The following ATE1 variants were observed in gnomAD, a reference collection of about 807,000 sequenced individuals.
The protein encoded by ATE1 is arginyl-tRNA--protein transferase 1.
Under a neutral mutation model 70.5 loss-of-function variants are expected in ATE1, and 36 were observed. The observed-to-expected ratio is 0.51, with a 90% CI of 0.39 to 0.67. ATE1 has a LOEUF of 0.67. Among genes scored for constraint, ATE1 ranks in the 30% least tolerant of loss-of-function variants. ATE1 has a pLI of 0.00. For synonymous variants in ATE1, 232 were observed against 219.3 expected, an observed-to-expected ratio of 1.06 and a Z score of -0.51; for missense variants, 593 against 629.5, an observed-to-expected ratio of 0.94 and a Z score of 0.62.
chr10:121,882,752 A>G (rs1428065839), intron 7 of ATE1, among the ~76,000 whole-genome samples: 1 of 152,210 alleles, frequency 6.6e-6, no homozygotes, highest in African/African-American at 2.4e-5. Context: ...ATCACTGGGC[A>G]CATTTGTTCT....
chr10:121,842,060 T>C (rs1948650502), intron 8 of ATE1, among the ~76,000 whole-genome samples: 1 of 152,216 alleles, frequency 6.6e-6, no homozygotes. Flanking sequence ...GCCTCAGCTC[T>C]GAGAAGGTAC....
intron 11 of ATE1, among the ~76,000 whole-genome samples, chr10:121,789,872 T>C (rs1261823385): frequency 1.3e-5 from 2 of 152,160 alleles, no homozygotes; most frequent in Non-Finnish European, 2.9e-5. Flanking sequence ...ACCGTGATAG[T>C]TGGAAAAGAT....
At chr10:121,910,778 A>T in intron 5 of ATE1, 128 bp downstream of exon 5, 2 of 1,242,976 alleles carry the variant, frequency 1.6e-6, no homozygotes, top group Non-Finnish European at 2.3e-6. Context: ...TAATAAACAA[A>T]GCAGGGTTCT....
rs544957958 is a variant in ATE1, at chr10:121,927,495, G to A, written c.106+349C>T. The A allele has an allele frequency of 6.1e-6, 6 of 985,318 alleles. No individual in the cohort carries two copies. In the South Asian group the frequency reaches 2.8e-4, roughly 46 times the overall value. 61.0% of individuals were successfully genotyped at this position (985,318 alleles called of 1,614,324 possible). On this transcript the variant is annotated intron_variant, in intron 1 of 11. Coordinates refer to ENST00000224652, the MANE Select transcript of ATE1 (RefSeq NM_001001976.3). ...TCGCTCCCGGGACGCTCCCACCGCA[G>A]CACCCACCGGTCAGCCCCGGCCATT...
rs1032341543 is a variant in ATE1, at chr10:121,820,958, T to C, written c.1257+15760A>G. On this transcript the variant is annotated intron_variant, in intron 10 of 11. Coordinates refer to ENST00000224652, the MANE Select transcript of ATE1 (RefSeq NM_001001976.3). ...ATATAGGAAAACATTTCCCTTTTTT[T>C]TGAGATGGAGTCTCGTTCTGTCGCC... Among the ~76,000 whole-genome samples, 47 of 152,364 alleles carry C rather than the reference T, an allele frequency of 3.1e-4. 1 individual carries two copies. The highest frequency in any genetic ancestry group is 6.2e-4 in the South Asian group (3 of 4,830).
Position 121,836,734 on chromosome 10 carries a change from G to T in ATE1, c.1241C>A (p.Pro414His). ...CAACTTTACCTTATATTTCATCTTG[G>T]GACATGAATGAATGTAGAAACCCAT... is the stretch of plus-strand genomic sequence containing the variant. ...YYMGFYIHSC[P>H]KMKYKGQYRP... Residue 414 changes from proline to histidine, a missense_variant, in exon 10 of 12, where the codon CCC becomes CAC. Pro to His is a moderately conservative substitution (Grantham distance 77). Coordinates refer to ENST00000224652, the MANE Select transcript of ATE1 (RefSeq NM_001001976.3). 1 of 1,559,720 alleles carries T rather than the reference G, an allele frequency of 6.4e-7. No individual in the cohort carries two copies. The highest frequency in any genetic ancestry group is 8.7e-7 in the Non-Finnish European group (1 of 1,144,988).
chr10:121,876,658 G>T (rs1476141015), intron 7 of ATE1, among the ~76,000 whole-genome samples: 2 of 152,106 alleles, frequency 1.3e-5, no homozygotes, highest in African/African-American at 2.4e-5. Context: ...CACTCAAAAA[G>T]AATGGAATCT....
At chr10:121,850,265 C>T (rs1301854683) in intron 8 of ATE1, among the ~76,000 whole-genome samples, 1 of 152,170 alleles carries the variant, frequency 6.6e-6, no homozygotes, top group Non-Finnish European at 1.5e-5. Context: ...AGAATCAACA[C>T]TAAACAATAC....
rs577503499 is a variant in ATE1, at chr10:121,816,556, C to T, written c.1257+20162G>A. Among the ~76,000 whole-genome samples the T allele has an allele frequency of 2.6e-5, 4 of 152,256 alleles. No homozygotes were observed. In the East Asian group the frequency reaches 7.7e-4, roughly 29 times the overall value. ...TCTGCCCCGTGAGGACACTATTTGTCCCCTTTTTGTTTTCCTGTCCCTTCC... is the reference window on the plus strand; with the variant it reads ...TCTGCCCCGTGAGGACACTATTTGTTCCCTTTTTGTTTTCCTGTCCCTTCC... On this transcript the variant is annotated intron_variant, in intron 10 of 11. Coordinates refer to ENST00000224652, the MANE Select transcript of ATE1 (RefSeq NM_001001976.3).
chr10:121,744,436 G>T (rs560217878), intron 11 of ATE1, among the ~76,000 whole-genome samples: 2 of 152,164 alleles, frequency 1.3e-5, no homozygotes, highest in East Asian at 3.9e-4. Flanking sequence ...TGTCTAATTA[G>T]AACACTGGCC....
chr10:121,890,267 A>G (rs1425912725), intron 7 of ATE1, among the ~76,000 whole-genome samples: 1 of 152,226 alleles, frequency 6.6e-6, no homozygotes, highest in Non-Finnish European at 1.5e-5. Flanking sequence ...AAAATGTAAA[A>G]TAAGCACTAA....
chr10:121,895,214 A>T (rs984466730), intron 7 of ATE1, among the ~76,000 whole-genome samples: 1 of 152,242 alleles, frequency 6.6e-6, no homozygotes, highest in African/African-American at 2.4e-5. Flanking sequence ...CACGTGACCC[A>T]GTAATTCCAC....
intron 8 of ATE1, among the ~76,000 whole-genome samples, chr10:121,867,105 C>T (rs1949690978): frequency 6.6e-6 from 1 of 152,132 alleles, no homozygotes; most frequent in African/African-American, 2.4e-5. Flanking sequence ...GTCTTAGCCC[C>T]ACCAAATTCA....
intron 10 of ATE1, among the ~76,000 whole-genome samples, chr10:121,795,749 C>T (rs1356915815): frequency 1.3e-5 from 2 of 152,108 alleles, no homozygotes; most frequent in African/African-American, 2.4e-5. Flanking sequence ...CTAAGCTGGT[C>T]GAGAGTTAAA....
intron 8 of ATE1, among the ~76,000 whole-genome samples, chr10:121,843,727 CA>C (rs555110989): frequency 7.7e-4 from 106 of 138,148 alleles, no homozygotes; most frequent in Admixed American, 8.7e-4. Flanking sequence ...TATCCATACG[CA>C]AAAAAAAAAA....
intron 8 of ATE1, among the ~76,000 whole-genome samples, chr10:121,868,510 AC>A (rs1393224958): frequency 1.3e-5 from 2 of 152,154 alleles, no homozygotes; most frequent in African/African-American, 4.8e-5. Context: ...ATTGTCTTCA[AC>A]TTTTTTATGG....
intron 8 of ATE1, among the ~76,000 whole-genome samples, chr10:121,858,867 G>A (rs61874391): frequency 1.4e-4 from 21 of 151,838 alleles, no homozygotes; most frequent in Admixed American, 3.3e-4. Flanking sequence ...ATGCCGAGGC[G>A]GGCAGATCAT....
At chr10:121,869,570 A>C (rs1287419308) in intron 8 of ATE1, among the ~76,000 whole-genome samples, 1 of 152,224 alleles carries the variant, frequency 6.6e-6, no homozygotes, top group Non-Finnish European at 1.5e-5. Context: ...TTGTCAACTC[A>C]TGGATTTTAA....
chr10:121,870,612 T>C (rs1308783837), intron 7 of ATE1, among the ~76,000 whole-genome samples: 1 of 152,138 alleles, frequency 6.6e-6, no homozygotes, highest in African/African-American at 2.4e-5. Flanking sequence ...CCCATATCCC[T>C]TTCCTTCCTT....
Sources: allele counts gnomAD v4.1 joint callset (sites outside exome capture counted in the v4.1 genomes callset), GRCh38; gene constraint gnomAD v4.1.1; transcripts MANE v1.5; gene names NCBI Gene and HGNC (gene_info 2026-07-23, HGNC 2026-07-21).